The following CADM2 variants were observed in gnomAD, a reference collection of about 807,000 sequenced individuals.
CADM2 encodes the protein cell adhesion molecule 2, also known as immunoglobulin superfamily member 4D.
In CADM2, 12 loss-of-function variants were observed where a neutral mutation model predicts 49.8. The ratio of observed to expected loss-of-function variants is 0.24; its 90% CI spans 0.15 to 0.39. CADM2 has a LOEUF of 0.39. CADM2 is among the 10% of genes least tolerant of loss of function. The probability of loss-of-function intolerance (pLI) is 1.00; values close to 1 mark genes in which losing one functional copy is unlikely to be tolerated. For missense variants in CADM2, 378 were observed against 492.3 expected (o/e 0.77, Z 2.20); for synonymous variants, 214 against 175.4 (o/e 1.22, Z -1.74).
intron 1 of CADM2, among the ~76,000 whole-genome samples, chr3:85,436,825 T>A (rs903430347): frequency 3.3e-5 from 5 of 152,222 alleles, no homozygotes; most frequent in African/African-American, 1.2e-4. Context: ...GGTACATTTG[T>A]TAAAATTGAT....
In CADM2 at chr3:85,317,256, G is replaced by A. The variant is rs1276606274; in HGVS notation, c.61+357588G>A. On this transcript the variant is annotated intron_variant, in intron 1 of 9. Transcript: ENST00000383699. Reference sequence around the variant, plus strand: ...TTGTATAATGCACTAGGCACAAGAAGCACACACTAAATTATCAACATAGCA... The same window carrying A: ...TTGTATAATGCACTAGGCACAAGAAACACACACTAAATTATCAACATAGCA... Among the ~76,000 whole-genome samples the A allele has an allele frequency of 2.6e-5, 4 of 152,136 alleles. No individual in the cohort carries two copies. The East Asian group carries it at 7.7e-4, about 29-fold the overall frequency.
chr3:85,667,075 C>T (rs1205816946), intron 1 of CADM2, among the ~76,000 whole-genome samples: 5 of 151,914 alleles, frequency 3.3e-5, no homozygotes, highest in Admixed American at 3.3e-4. Flanking sequence ...ATCTAGTCTC[C>T]ATCTTAGATT....
chr3:86,047,615 A>G (rs1395141789), intron 8 of CADM2, among the ~76,000 whole-genome samples: 1 of 152,200 alleles, frequency 6.6e-6, no homozygotes, highest in African/African-American at 2.4e-5. Flanking sequence ...TAACGTGTGT[A>G]AGAGGAGTAA....
chr3:85,139,111 C>T (rs1002654346), intron 1 of CADM2, among the ~76,000 whole-genome samples: 1 of 152,118 alleles, frequency 6.6e-6, no homozygotes, highest in Non-Finnish European at 1.5e-5. Flanking sequence ...AAGACACAGA[C>T]TCAACCCTGC....
chr3:85,783,434 A>T (rs2070778761), intron 2 of CADM2, among the ~76,000 whole-genome samples: 1 of 152,056 alleles, frequency 6.6e-6, no homozygotes. Flanking sequence ...TGCTCCTGGG[A>T]GGAGATGAAG....
At chr3:85,524,760 C>T (rs765985651) in intron 1 of CADM2, among the ~76,000 whole-genome samples, 2 of 152,064 alleles carry the variant, frequency 1.3e-5, no homozygotes, top group East Asian at 1.9e-4. Flanking sequence ...TTTGTCTATT[C>T]CTCCTTAGAG....
intron 8 of CADM2, among the ~76,000 whole-genome samples, chr3:86,045,786 C>G (rs553865003): frequency 3.9e-5 from 6 of 152,234 alleles, no homozygotes; most frequent in Admixed American, 3.3e-4. Context: ...GTGCTGGTCA[C>G]TGTGTTAAGC....
At chr3:85,711,221 A>T (rs898551139) in intron 1 of CADM2, among the ~76,000 whole-genome samples, 3 of 152,106 alleles carry the variant, frequency 2.0e-5, no homozygotes, top group Admixed American at 2.0e-4. Flanking sequence ...GGGGACTGAA[A>T]GTTATGAGAT....
intron 1 of CADM2, among the ~76,000 whole-genome samples, chr3:85,084,500 C>T (rs1020457785): frequency 2.6e-5 from 4 of 152,136 alleles, no homozygotes; most frequent in Admixed American, 6.6e-5. Flanking sequence ...AGAGTAGCCA[C>T]TAGCCACATG....
At chr3:85,360,895 G>A (rs1381162472) in intron 1 of CADM2, among the ~76,000 whole-genome samples, 2 of 152,092 alleles carry the variant, frequency 1.3e-5, no homozygotes, top group African/African-American at 4.8e-5. Flanking sequence ...GCAGCTACAG[G>A]GAACCATCAG....
chr3:85,038,440 C>T (rs552159680), intron 1 of CADM2, among the ~76,000 whole-genome samples: 17 of 152,286 alleles, frequency 1.1e-4, no homozygotes, highest in African/African-American at 3.4e-4. Flanking sequence ...TGCTATGGGT[C>T]TCAAGGGATA....
At chr3:85,804,074 T>G (rs1181241164) in intron 3 of CADM2, among the ~76,000 whole-genome samples, 3 of 152,124 alleles carry the variant, frequency 2.0e-5, no homozygotes. Flanking sequence ...AAGTCACTCA[T>G]AGAGATTAAA....
At chr3:85,686,078 A>G (rs2066206270) in intron 1 of CADM2, among the ~76,000 whole-genome samples, 1 of 152,226 alleles carries the variant, frequency 6.6e-6, no homozygotes, top group African/African-American at 2.4e-5. Context: ...ATGTTAACAC[A>G]TGCATTTTGA....
At position 85,860,650 on chromosome 3, in the gene CADM2, A is replaced by G. The variant is rs558125803; in HGVS notation, c.239-22641A>G. On this transcript the variant is annotated intron_variant, in intron 3 of 9. Coordinates refer to ENST00000383699, the MANE Select transcript of CADM2 (RefSeq NM_001167675.2). ...AGAGGTAGAGAGAACAGAGTTTTTTAGGGTCTATTAGGGCATGAATTCCAT... is the reference window on the plus strand; with the variant it reads ...AGAGGTAGAGAGAACAGAGTTTTTTGGGGTCTATTAGGGCATGAATTCCAT... 6.6e-5 allele frequency among the ~76,000 whole-genome samples: 10 copies of G among 152,234 alleles called. No individual in the cohort carries two copies. In the East Asian group the frequency reaches 1.9e-3, roughly 29 times the overall value.
At chr3:85,618,321 G>T (rs1299170505) in intron 1 of CADM2, among the ~76,000 whole-genome samples, 1 of 152,050 alleles carries the variant, frequency 6.6e-6, no homozygotes, top group Non-Finnish European at 1.5e-5. Flanking sequence ...ACATGGAACA[G>T]CCCAAGACTA....
chr3:86,013,648 T>C (rs1731831169), intron 8 of CADM2: 16 of 1,603,090 alleles, frequency 1.0e-5, no homozygotes, highest in Middle Eastern at 2.3e-4. Context: ...GTAGTGGACA[T>C]AGCAGGGGAA....
At chr3:85,013,837 T>C (rs1164593608) in intron 1 of CADM2, among the ~76,000 whole-genome samples, 1 of 147,652 alleles carries the variant, frequency 6.8e-6, no homozygotes, top group African/African-American at 2.5e-5. Flanking sequence ...TTAATATTAA[T>C]ATAATATTGT....
At chr3:85,883,751 A>G (rs777300373) in intron 4 of CADM2, among the ~76,000 whole-genome samples, 3 of 152,148 alleles carry the variant, frequency 2.0e-5, no homozygotes, top group Non-Finnish European at 2.9e-5. Context: ...CAAATAATCT[A>G]TATGTTGTAT....
rs374891650 is a variant in CADM2 at position 85,838,115 on chromosome 3, G to T, written c.238+35919G>T. Among the ~76,000 whole-genome samples, 15 of 151,794 alleles carry T rather than the reference G, an allele frequency of 9.9e-5. No homozygotes were observed. The South Asian group carries it at 2.5e-3, about 25-fold the overall frequency. On this transcript the variant is annotated intron_variant, in intron 3 of 9. Transcript: ENST00000383699. ...ACATACTCAACTCAAATTTTAAGTG[G>T]TTATCTTATTAATAGTGGTTAAAGA...
Sources: allele counts gnomAD v4.1 joint callset (sites outside exome capture counted in the v4.1 genomes callset), GRCh38; gene constraint gnomAD v4.1.1; transcripts MANE v1.5; gene names NCBI Gene and HGNC (gene_info 2026-07-23, HGNC 2026-07-21).